KCNG1: variants seen among roughly 807,000 people sequenced by gnomAD.
The protein encoded by KCNG1 is potassium voltage-gated channel modifier subfamily G member 1, also known as voltage-gated potassium channel regulatory subunit KCNG1.
In KCNG1, 17 loss-of-function variants were observed where a neutral mutation model predicts 32.4. The ratio of observed to expected loss-of-function variants is 0.52; its 90% confidence interval spans 0.36 to 0.79. KCNG1 has a LOEUF of 0.79. Ranked by LOEUF, KCNG1 falls within the 30% of genes least tolerant of loss-of-function variation. The pLI is 0.00. For synonymous variants in KCNG1, 358 were observed against 339.9 expected, an observed-to-expected ratio of 1.05 and a Z score of -0.59; for missense variants, 441 against 735.2, an observed-to-expected ratio of 0.60 and a Z score of 4.63.
At chr20:51,017,118 A>G (rs1299614961) in intron 1 of KCNG1, among the ~76,000 whole-genome samples, 1 of 152,176 alleles carries the variant, frequency 6.6e-6, no homozygotes, top group African/African-American at 2.4e-5. Flanking sequence ...AAGGTACAAA[A>G]ATGTGTGTTC....
chr20:51,004,152 C>G lies in KCNG1; in HGVS notation c.1429G>C (p.Val477Leu), dbSNP rs768327059. ...AGGAACTGCGCCCTCCGGAACATCACCCTCTCTTGCTCCTGCTTGAGCTCC... is the reference window on the plus strand; with the variant it reads ...AGGAACTGCGCCCTCCGGAACATCAGCCTCTCTTGCTCCTGCTTGAGCTCC... ...YLELKQEQERVMFRRAQFLIK... is the reference protein window; with the variant it reads ...YLELKQEQERLMFRRAQFLIK... Residue 477 changes from valine to leucine, a missense_variant, in exon 3 of 3, where the codon GTG becomes CTG. Physicochemically the swap from Val to Leu is conservative, Grantham distance 32 (BLOSUM62 1). Transcript: ENST00000371571. The surrounding 1 kb of genome is among the most constrained non-coding windows in gnomAD (Gnocchi z 4.3). 3.4e-5 allele frequency: 55 copies of G among 1,614,110 alleles called. 1 individual carries two copies. The South Asian group carries it at 5.9e-4, about 17-fold the overall frequency.
At chr20:51,020,974 G>A (rs1288473916) in intron 1 of KCNG1, among the ~76,000 whole-genome samples, 1 of 152,220 alleles carries the variant, frequency 6.6e-6, no homozygotes, top group Admixed American at 6.5e-5. Flanking sequence ...GGGATGGGGA[G>A]AAGCAAGTAA....
intron 1 of KCNG1, among the ~76,000 whole-genome samples, chr20:51,021,384 T>A (rs1384083838): frequency 6.6e-6 from 1 of 151,632 alleles, no homozygotes; most frequent in Non-Finnish European, 1.5e-5. Context: ...GCCTGAAAAA[T>A]CCCCCAAAGA....
At chr20:51,018,786 C>T (rs1178709249) in intron 1 of KCNG1, among the ~76,000 whole-genome samples, 1 of 152,132 alleles carries the variant, frequency 6.6e-6, no homozygotes, top group Non-Finnish European at 1.5e-5. Context: ...GCGACAAAGC[C>T]AGAATTAAAC....
rs752993331 is a variant in KCNG1 at position 51,009,625 on chromosome 20, G to C, written c.714C>G (p.Thr238=). ...VFACLSVLFV[T]VTAVNLSVST... ...TGACGGAGAGGTTGACGGCGGTGACGGTCACGAAGAGCACCGACAGGCAGG... is the reference window on the plus strand; with the variant it reads ...TGACGGAGAGGTTGACGGCGGTGACCGTCACGAAGAGCACCGACAGGCAGG... The change falls in exon 2 of 3, where the codon ACC becomes ACG. Residue 238 remains threonine (T), a synonymous_variant. Transcript: ENST00000371571. The C allele has an allele frequency of 4.3e-6, 7 of 1,610,524 alleles. No homozygotes were observed. In the Admixed American group the frequency reaches 1.2e-4, roughly 27 times the overall value.
At position 51,023,036 on chromosome 20, in the gene KCNG1, C is replaced by T. The variant is rs1347821990; in HGVS notation, c.-193G>A. 6.6e-6 allele frequency: 1 copy of T among 152,182 alleles called. No individual in the cohort carries two copies. The highest frequency in any genetic ancestry group is 2.4e-5 in the African/African-American group (1 of 41,438). 9.4% of individuals were successfully genotyped at this position (152,182 alleles called of 1,614,324 possible). ...GCCGCCAAACTTCGGTCCCGGGGCC[C>T]GGCTCAGCTCCCGCCCTCGGAGCCA... On this transcript the variant is annotated 5_prime_UTR_variant, in exon 1 of 3. Coordinates refer to ENST00000371571, the MANE Select transcript of KCNG1 (RefSeq NM_002237.4).
Position 51,004,036 on chromosome 20 carries a change from C to G in KCNG1, c.*3G>C. Reference sequence around the variant, plus strand: ...GCAGGCAGGGCAGGCGTGTCCTCCGCGCTCAGTTATTGTCTCTGGTGTCCG... The same window carrying G: ...GCAGGCAGGGCAGGCGTGTCCTCCGGGCTCAGTTATTGTCTCTGGTGTCCG... On this transcript the variant is annotated 3_prime_UTR_variant, in exon 3 of 3. Coordinates refer to ENST00000371571, the MANE Select transcript of KCNG1 (RefSeq NM_002237.4). This position sits in a 1 kb window ranked among gnomAD's most constrained non-coding sequence, Gnocchi z 4.3. 2.5e-6 allele frequency: 4 copies of G among 1,612,604 alleles called. No individual in the cohort carries two copies. The highest frequency in any genetic ancestry group is 2.5e-6 in the Non-Finnish European group (3 of 1,178,988).
rs1258102696 is a variant in KCNG1 at position 51,004,771 on chromosome 20, G to A, written c.810C>T (p.Ile270=). 3 of 1,584,350 alleles carry A rather than the reference G, an allele frequency of 1.9e-6. No individual in the cohort carries two copies. The highest frequency in any genetic ancestry group is 1.7e-6 in the Non-Finnish European group (2 of 1,162,588). ...ACCAGCCCACGCACACCGACTCCAC[G>A]ATGAAGACGTTGTGGCACATCTGGG... ...HCSQMCHNVF[I]VESVCVGWFS... Residue 270 remains isoleucine, a synonymous_variant, in exon 3 of 3, where the codon ATC becomes ATT. Transcript: ENST00000371571. The surrounding 1 kb of genome is among the most constrained non-coding windows in gnomAD (Gnocchi z 4.3).
chr20:51,015,032 A>G lies in KCNG1; in HGVS notation c.-26-4668T>C, dbSNP rs1037429183. 6.6e-6 allele frequency among the ~76,000 whole-genome samples: 1 copy of G among 152,132 alleles called. No individual in the cohort carries two copies. Among genetic ancestry groups the G allele is most frequent in the Non-Finnish European group, 1.5e-5 (1 of 68,024 alleles). ...GTGCAGCAGGGCCGAGGGGCTGACA[A>G]TAAGGAGCTGGGGCTTATTCTGCAA... On this transcript the variant is annotated intron_variant, in intron 1 of 2. Coordinates refer to ENST00000371571, the MANE Select transcript of KCNG1 (RefSeq NM_002237.4). This position sits in a 1 kb window ranked among gnomAD's most constrained non-coding sequence, Gnocchi z 4.4.
In KCNG1 at chr20:51,010,250, G is replaced by C. The variant is rs1988025574; in HGVS notation, c.89C>G (p.Pro30Arg). The change falls in exon 2 of 3, where the codon CCG becomes CGG. Residue 30 changes from proline (P) to arginine (R), a missense_variant. Pro to Arg is a moderately radical substitution (Grantham distance 103, BLOSUM62 -2). Transcript: ENST00000371571. ...CGCGCCCTTGATGGCCTGGCGCTGCGGGAGGAAGGCCGGGTGGAAGGAGGC... is the reference window on the plus strand; with the variant it reads ...CGCGCCCTTGATGGCCTGGCGCTGCCGGAGGAAGGCCGGGTGGAAGGAGGC... ...SDASFHPAFL[P>R]QRQAIKGAFY... The C allele has an allele frequency of 5.2e-6, 8 of 1,538,774 alleles. 1 individual carries two copies. The South Asian group carries it at 1.0e-4, about 19-fold the overall frequency.
intron 1 of KCNG1, 80 bp downstream of exon 1, chr20:51,022,790 C>G (rs1466342380): frequency 6.6e-6 from 1 of 152,270 alleles, no homozygotes; most frequent in African/African-American, 2.4e-5. Flanking sequence ...GCAGCCGCCC[C>G]CGAGCCCGAG....
In KCNG1 at chr20:51,009,941, G is replaced by A. The variant is rs1001316061; in HGVS notation, c.398C>T (p.Ala133Val). The part of the protein sequence containing the change: ...AFGTILTFLR[A>V]GKLRLLREMC... ...CTCGCGCAGCAGCCGCAGCTTGCCC[G>A]CGCGCAGGAAGGTCAGGATAGTGCC... Residue 133 changes from alanine (A) to valine (V), a missense_variant, in exon 2 of 3, where the codon GCG becomes GTG. Physicochemically the swap from Ala to Val is moderately conservative, Grantham distance 64 (BLOSUM62 0). Coordinates refer to ENST00000371571, the MANE Select transcript of KCNG1 (RefSeq NM_002237.4). The A allele has an allele frequency of 6.2e-7, 1 of 1,613,844 alleles. No homozygotes were observed. Among genetic ancestry groups the A allele is most frequent in the Non-Finnish European group, 8.5e-7 (1 of 1,179,968 alleles).
chr20:51,021,907 C>A (rs112016254), intron 1 of KCNG1, among the ~76,000 whole-genome samples: 28 of 151,468 alleles, frequency 1.8e-4, no homozygotes, highest in African/African-American at 6.5e-4. Context: ...ATCTTTTCTT[C>A]CTATTCTAGA....
chr20:51,013,459 C>T (rs1340943049), intron 1 of KCNG1, among the ~76,000 whole-genome samples: 1 of 151,964 alleles, frequency 6.6e-6, no homozygotes, highest in South Asian at 2.1e-4. Flanking sequence ...GGAAGATACT[C>T]GCTCACAAAC....
At chr20:51,014,370 C>T (rs1046826909) in intron 1 of KCNG1, among the ~76,000 whole-genome samples, 12 of 152,180 alleles carry the variant, frequency 7.9e-5, no homozygotes, top group Non-Finnish European at 1.8e-4. Flanking sequence ...CTGCTTTTCA[C>T]GCAGCCTGAT....
rs774511368 is a variant in KCNG1 at position 51,009,511 on chromosome 20, TCA to T, written c.774+52_774+53del. 250 of 1,506,008 alleles carry T rather than the reference TCA, an allele frequency of 1.7e-4. No individual in the cohort carries two copies. The African/African-American group carries it at 2.2e-3, about 13-fold the overall frequency. The allele number at this position is 1,506,008 out of a possible 1,614,324, so 93.3% of individuals were successfully genotyped here. The stretch of plus-strand genomic sequence containing the variant: ...GGCTTTCTGGAGGAGGTGACAATGC[TCA>T]GAGTCCCTTCCCTCGTGGTGGCGCG... On this transcript the variant is annotated intron_variant, in intron 2 of 2. Coordinates refer to ENST00000371571, the MANE Select transcript of KCNG1 (RefSeq NM_002237.4).
chr20:51,004,471 G>T lies in KCNG1; in HGVS notation c.1110C>A (p.Ala370=). 1 of 1,599,894 alleles carries T rather than the reference G, an allele frequency of 6.3e-7. No homozygotes were observed. The highest frequency in any genetic ancestry group is 1.1e-5 in the South Asian group (1 of 90,146). The change falls in exon 3 of 3, where the codon GCC becomes GCA. Residue 370 remains alanine (A), a synonymous_variant. Transcript: ENST00000371571. This position sits in a 1 kb window ranked among gnomAD's most constrained non-coding sequence, Gnocchi z 4.3. Reference sequence around the variant, plus strand: ...GCCCGAACTCGCGGGTGCAGCGGCGGGCCGTGAGCCCCAGCGTCTGCAGCC... The same window carrying T: ...GCCCGAACTCGCGGGTGCAGCGGCGTGCCGTGAGCCCCAGCGTCTGCAGCC... ...SLGLQTLGLT[A]RRCTREFGLL...
In KCNG1 at chr20:51,005,953, TCCTC is replaced by T. The variant is rs1221538187; in HGVS notation, c.775-1151_775-1148del. 1 of 152,200 alleles carries T rather than the reference TCCTC, an allele frequency of 6.6e-6. No individual in the cohort carries two copies. Among genetic ancestry groups the T allele is most frequent in the Admixed American group, 6.5e-5 (1 of 15,284 alleles). The allele number at this position is 152,200 out of a possible 1,614,324, so 9.4% of individuals were successfully genotyped here. A position where few individuals can be genotyped will look rare whatever the true frequency, so the allele number is the denominator to read the frequency against. ...TAGACCTCTGGGATGGGAAGCCCCTTCCTCTGGGAAGCTTTCCTGGAGCGTGCCC... is the reference window on the plus strand; with the variant it reads ...TAGACCTCTGGGATGGGAAGCCCCTTTGGGAAGCTTTCCTGGAGCGTGCCC... On this transcript the variant is annotated intron_variant, in intron 2 of 2. Coordinates refer to ENST00000371571, the MANE Select transcript of KCNG1 (RefSeq NM_002237.4). This position sits in a 1 kb window ranked among gnomAD's most constrained non-coding sequence, Gnocchi z 4.0.
In KCNG1 at chr20:51,009,880, G is replaced by C; in HGVS notation, c.459C>G (p.Tyr153Ter). The C allele has an allele frequency of 6.2e-7, 1 of 1,613,608 alleles. No individual in the cohort carries two copies. The highest frequency in any genetic ancestry group is 8.5e-7 in the Non-Finnish European group (1 of 1,179,968). ...CCAGGTGGTCCTCCGCGATGCCCCAGTACAGCAGCTCCTCCTGGAAGGACA... is the reference window on the plus strand; with the variant it reads ...CCAGGTGGTCCTCCGCGATGCCCCACTACAGCAGCTCCTCCTGGAAGGACA... Reference protein sequence around the residue: ...CALSFQEELLYWGIAEDHLDG... With the variant: ...CALSFQEELL The change falls in exon 2 of 3, where the codon TAC (tyrosine) becomes TAG (stop). Residue 153 changes from tyrosine to a stop codon, truncating the protein, a stop_gained. Coordinates refer to ENST00000371571, the MANE Select transcript of KCNG1 (RefSeq NM_002237.4). LOFTEE classifies it high-confidence loss of function.
Sources: gnomAD v4.1 joint callset for allele counts (sites outside exome capture counted in the v4.1 genomes callset) on GRCh38, gnomAD v4.1.1 for gene constraint, Gnocchi (gnomAD v3.1) non-coding constraint, MANE v1.5 for transcripts, NCBI Gene and HGNC (gene_info 2026-07-23, HGNC 2026-07-21) for gene names.